The following NFATC2 variants were observed in gnomAD, a reference collection of about 807,000 sequenced individuals.
The protein encoded by NFATC2 is nuclear factor of activated T cells 2.
In NFATC2, 22 loss-of-function variants were observed where a neutral mutation model predicts 87.3. The observed-to-expected ratio is 0.25, with a 90% CI of 0.18 to 0.36. The LOEUF (loss-of-function observed/expected upper bound fraction) is 0.36, where lower values mean the gene tolerates loss of function less well. Ranked by LOEUF, NFATC2 falls within the 10% of genes least tolerant of loss-of-function variation. The probability of loss-of-function intolerance (pLI) is 1.00; values close to 1 mark genes in which losing one functional copy is unlikely to be tolerated. For synonymous variants in NFATC2, 565 were observed against 542.2 expected, an observed-to-expected ratio of 1.04 and a Z score of -0.58; for missense variants, 1,149 against 1,259.1, an observed-to-expected ratio of 0.91 and a Z score of 1.32.
intron 3 of NFATC2, among the ~76,000 whole-genome samples, chr20:51,479,643 A>C (rs1281718781): frequency 6.6e-6 from 1 of 152,162 alleles, no homozygotes; most frequent in Admixed American, 6.5e-5. Flanking sequence ...AACAAAAAAC[A>C]GTAATGCAGC....
chr20:51,421,596 A>G (rs1296162261), intron 9 of NFATC2, among the ~76,000 whole-genome samples: 4 of 152,206 alleles, frequency 2.6e-5, no homozygotes, highest in African/African-American at 9.6e-5. Context: ...GTTCCAACTA[A>G]AGGAAGTAGC....
chr20:51,514,741 C>G (rs868282417), intron 3 of NFATC2, among the ~76,000 whole-genome samples: 1 of 152,080 alleles, frequency 6.6e-6, no homozygotes, highest in Admixed American at 6.6e-5. Context: ...GGCATGGTGG[C>G]GCACACCTGT....
chr20:51,557,431 G>C (rs2076988084), intron 1 of NFATC2, among the ~76,000 whole-genome samples: 1 of 152,192 alleles, frequency 6.6e-6, no homozygotes, highest in Non-Finnish European at 1.5e-5. Context: ...CACATGAAAG[G>C]CCTTGGCATG....
In NFATC2 at chr20:51,508,753, C is replaced by T. The variant is rs140072632; in HGVS notation, c.1332+8031G>A. 4.8e-3 allele frequency among the ~76,000 whole-genome samples: 725 copies of T among 152,238 alleles called. 12 individuals are homozygous for T. The highest frequency in any genetic ancestry group is 0.016 in the African/African-American group (672 of 41,520). On this transcript the variant is annotated intron_variant, in intron 3 of 10. Coordinates refer to ENST00000371564, the MANE Select transcript of NFATC2 (RefSeq NM_012340.5). ...GGCTACAGCCCCAGACAGACAGATGCCACCCCTCTTGCAGCCAGTCTCAAA... is the reference window on the plus strand; with the variant it reads ...GGCTACAGCCCCAGACAGACAGATGTCACCCCTCTTGCAGCCAGTCTCAAA...
chr20:51,416,268 TAAAA>T (rs1189203085), intron 9 of NFATC2, among the ~76,000 whole-genome samples: 2 of 151,544 alleles, frequency 1.3e-5, no homozygotes, highest in Non-Finnish European at 2.9e-5. Context: ...TGTCTCAAAA[TAAAA>T]AAATCCCAGA....
Position 51,542,451 on chromosome 20 carries a change from C to T in NFATC2, c.49G>A (p.Gly17Ser). The T allele has an allele frequency of 6.3e-7, 1 of 1,578,022 alleles. No individual in the cohort carries two copies. The change falls in exon 1 of 11, where the codon GGC becomes AGC. Residue 17 changes from glycine (G) to serine (S), a missense_variant. Gly to Ser is a moderately conservative substitution (Grantham distance 56, BLOSUM62 0). Around this residue, in one of 3 missense-constraint regions of NFATC2, gnomAD observed 563 missense variants for 585.2 expected, o/e 0.96. Coordinates refer to ENST00000371564, the MANE Select transcript of NFATC2 (RefSeq NM_012340.5). ...TGGGGGCTGCCCCCAGGCTCGTGGC[C>T]TGGGGCGTCCCCGCCGTCGGGTTGG... Reference protein sequence around the residue: ...QPQPDGGDAPGHEPGGSPQDE... With the variant: ...QPQPDGGDAPSHEPGGSPQDE...
intron 5 of NFATC2, among the ~76,000 whole-genome samples, chr20:51,462,356 G>A (rs1213767249): frequency 1.3e-5 from 2 of 151,834 alleles, no homozygotes; most frequent in African/African-American, 4.8e-5. Flanking sequence ...TGAGGCAGGA[G>A]AACTGCTTGA....
chr20:51,499,902 T>C (rs2076050918), intron 3 of NFATC2, among the ~76,000 whole-genome samples: 1 of 152,236 alleles, frequency 6.6e-6, no homozygotes, highest in African/African-American at 2.4e-5. Flanking sequence ...CAATGGTTAA[T>C]GCAAGTCTTC....
chr20:51,466,121 C>T (rs1032141564), intron 5 of NFATC2, among the ~76,000 whole-genome samples: 4 of 152,080 alleles, frequency 2.6e-5, no homozygotes, highest in African/African-American at 9.7e-5. Flanking sequence ...GGTGGGATCT[C>T]GGCTCACTGC....
intron 5 of NFATC2, among the ~76,000 whole-genome samples, chr20:51,468,300 ATCTTAATTATAC>A (rs1209154500): frequency 8.9e-6 from 1 of 112,780 alleles, no homozygotes; most frequent in African/African-American, 3.0e-5. Flanking sequence ...AATCTACTTT[ATCTTAATTATAC>A]CTCCATAAAA....
At chr20:51,396,962 G>A (rs1253319014) in intron 10 of NFATC2, among the ~76,000 whole-genome samples, 1 of 152,052 alleles carries the variant, frequency 6.6e-6, no homozygotes, top group African/African-American at 2.4e-5. Flanking sequence ...ACACAGGCTG[G>A]AGTGCAGTGG....
At chr20:51,409,939 A>G (rs1054341543) in intron 9 of NFATC2, among the ~76,000 whole-genome samples, 5 of 152,206 alleles carry the variant, frequency 3.3e-5, no homozygotes, top group Admixed American at 6.5e-5. Context: ...GGCCGGGCAC[A>G]GTGGCTCACG....
intron 3 of NFATC2, among the ~76,000 whole-genome samples, chr20:51,475,950 G>A (rs1000649231): frequency 6.6e-6 from 1 of 152,202 alleles, no homozygotes; most frequent in Non-Finnish European, 1.5e-5. Context: ...ATTGATGACT[G>A]AGGGTGGAAG....
rs897615669 is a variant in NFATC2 at position 51,389,304 on chromosome 20, G to C, written c.*2192C>G. 1.3e-5 allele frequency: 2 copies of C among 152,148 alleles called. No homozygotes were observed. The highest frequency in any genetic ancestry group is 2.4e-5 in the African/African-American group (1 of 41,418). The allele number at this position is 152,148 out of a possible 1,614,324, so 9.4% of individuals were successfully genotyped here. A position where few individuals can be genotyped will look rare whatever the true frequency, so the allele number is the denominator to read the frequency against. On this transcript the variant is annotated 3_prime_UTR_variant, in exon 11 of 11. Transcript: ENST00000371564. ...TTGCTACAATAGCAGGAAGGCACTT[G>C]GGTAAAACATTCAGATAACTGAGGA...
intron 9 of NFATC2, among the ~76,000 whole-genome samples, chr20:51,431,486 C>T (rs763813173): frequency 7.9e-5 from 12 of 152,188 alleles, no homozygotes; most frequent in Non-Finnish European, 1.2e-4. Flanking sequence ...CTCACCACAG[C>T]GGAAGCCCAC....
Position 51,435,281 on chromosome 20 carries a change from T to A in NFATC2, c.1939A>T (p.Asn647Tyr), listed in dbSNP as rs1473565286. The A allele has an allele frequency of 6.2e-7, 1 of 1,614,188 alleles. No individual in the cohort carries two copies. The highest frequency in any genetic ancestry group is 8.5e-7 in the Non-Finnish European group (1 of 1,180,030). ...TTTACAGGTGTGCGGATATGCTTGTTCCGATATTCAGGGATCTCAACAAAA... is the reference window on the plus strand; with the variant it reads ...TTTACAGGTGTGCGGATATGCTTGTACCGATATTCAGGGATCTCAACAAAA... ...MLFVEIPEYRNKHIRTPVKVN... is the reference protein window; with the variant it reads ...MLFVEIPEYRYKHIRTPVKVN... Residue 647 changes from asparagine to tyrosine, a missense_variant, in exon 8 of 11, where the codon AAC becomes TAC. Asn to Tyr is a moderately radical substitution (Grantham distance 143, BLOSUM62 -2). This residue lies in a region of NFATC2 where 581 missense variants were observed against 649.7 expected (regional missense o/e 0.89). Coordinates refer to ENST00000371564, the MANE Select transcript of NFATC2 (RefSeq NM_012340.5).
At chr20:51,408,605 T>G (rs1250576334) in intron 9 of NFATC2, among the ~76,000 whole-genome samples, 1 of 150,432 alleles carries the variant, frequency 6.6e-6, no homozygotes, top group Non-Finnish European at 1.5e-5. Flanking sequence ...ATCTTCTGAA[T>G]AGATGGTTGG....
In NFATC2 at chr20:51,431,270, G is replaced by A. The variant is rs576793949; in HGVS notation, c.2722+797C>T. Among the ~76,000 whole-genome samples, 18 of 152,190 alleles carry A rather than the reference G, an allele frequency of 1.2e-4. No homozygotes were observed. The South Asian group carries it at 1.5e-3, about 12-fold the overall frequency. The stretch of plus-strand genomic sequence containing the variant: ...CTGCTCTGCTCATCCCACCCTCTCC[G>A]ACCTCCCAATGCACCTTGCGGCTCC... On this transcript the variant is annotated intron_variant, in intron 9 of 10. Transcript: ENST00000371564.
chr20:51,488,678 A>G (rs1335572231), intron 3 of NFATC2, among the ~76,000 whole-genome samples: 4 of 152,098 alleles, frequency 2.6e-5, no homozygotes, highest in Non-Finnish European at 1.5e-5. Context: ...AACACCCCAG[A>G]TCCTCCCACT....
Sources: gnomAD v4.1 joint callset for allele counts (sites outside exome capture counted in the v4.1 genomes callset) on GRCh38, gnomAD v4.1.1 for gene constraint, gnomAD v4.1.1 regional missense constraint, MANE v1.5 for transcripts, NCBI Gene and HGNC (gene_info 2026-07-23, HGNC 2026-07-21) for gene names.